The following BOK variants were observed in gnomAD, a reference collection of about 807,000 sequenced individuals.
BOK encodes the protein BCL2 family apoptosis regulator BOK, also known as bcl-2-related ovarian killer protein.
In BOK, 20 loss-of-function variants were observed where a neutral mutation model predicts 18.3. That is an observed-to-expected ratio of 1.09 (90% CI 0.77 to 1.59). BOK has a LOEUF of 1.59. Ranked by LOEUF, BOK falls within the 40% of genes most tolerant of loss-of-function variation. The probability of loss-of-function intolerance (pLI) is 0.00; values close to 1 mark genes in which losing one functional copy is unlikely to be tolerated. For synonymous variants in BOK, 173 were observed against 142.4 expected, an observed-to-expected ratio of 1.21 and a Z score of -1.53; for missense variants, 348 against 307.9, an observed-to-expected ratio of 1.13 and a Z score of -0.97.
rs1346212200 is a variant in BOK at position 241,573,856 on chromosome 2, A to G, written c.*1434A>G. 6.6e-6 allele frequency: 1 copy of G among 152,314 alleles called. No individual in the cohort carries two copies. Among genetic ancestry groups the G allele is most frequent in the Non-Finnish European group, 1.5e-5 (1 of 68,092 alleles). 9.4% of individuals were successfully genotyped at this position (152,314 alleles called of 1,614,324 possible). A position where few individuals can be genotyped will look rare whatever the true frequency, so the allele number is the denominator to read the frequency against. Reference sequence around the variant, plus strand: ...ACGCCTACATTTCTAGGCACATGTGAGGCATCTTTCCTGGAGCCCCGAGCC... The same window carrying G: ...ACGCCTACATTTCTAGGCACATGTGGGGCATCTTTCCTGGAGCCCCGAGCC... On this transcript the variant is annotated 3_prime_UTR_variant, in exon 5 of 5. Coordinates refer to ENST00000318407, the MANE Select transcript of BOK (RefSeq NM_032515.5).
chr2:241,560,364 C>T (rs1321783748), intron 2 of BOK: 7 of 896,132 alleles, frequency 7.8e-6, no homozygotes, highest in Middle Eastern at 5.7e-4. Context: ...ATGTGATGCC[C>T]GAAGAGGGCA....
chr2:241,551,857 C>T (rs966959847), intron 1 of BOK, among the ~76,000 whole-genome samples: 1 of 151,962 alleles, frequency 6.6e-6, no homozygotes, highest in Admixed American at 6.6e-5. Flanking sequence ...TTGCCGCCCA[C>T]TTCCTGCCCT....
At chr2:241,558,052 G>GAAACACACACACACACACACAC (rs61316533), upstream of BOK, among the ~76,000 whole-genome samples, 9 of 135,740 alleles carry the variant, frequency 6.6e-5, no homozygotes, top group Non-Finnish European at 1.1e-4. Flanking sequence ...ATAGAGTTCC[G>GAAACACACACACACACACACAC]AGACACACAC....
chr2:241,570,307 GT>G lies in BOK; in HGVS notation c.513+20del, dbSNP rs1444284407. On this transcript the variant is annotated intron_variant, in intron 4 of 4. Transcript: ENST00000318407. Reference sequence around the variant, plus strand: ...CGGATGGGTGAGCGCCTGAGTGCCCGTGTGGGTGGGAGAGCTGGGGTGCGAG... The same window carrying G: ...CGGATGGGTGAGCGCCTGAGTGCCCGGTGGGTGGGAGAGCTGGGGTGCGAG... 17 of 1,543,866 alleles carry G rather than the reference GT, an allele frequency of 1.1e-5. No individual in the cohort carries two copies. The highest frequency in any genetic ancestry group is 1.4e-5 in the Non-Finnish European group (16 of 1,146,218).
chr2:241,556,498 C>A (rs145218249), upstream of BOK, among the ~76,000 whole-genome samples: 1 of 133,164 alleles, frequency 7.5e-6, no homozygotes, highest in Non-Finnish European at 1.6e-5. Context: ...GCAGGAGAAT[C>A]GCTGGAGCCC....
At chr2:241,570,004 C>CG in intron 3 of BOK, 121 bp from the exon 4 acceptor site, 2 of 1,274,382 alleles carry the variant, frequency 1.6e-6, no homozygotes, top group Non-Finnish European at 2.1e-6. Context: ...CCCCTTGGGA[C>CG]GGTCCCTGGT....
chr2:241,555,883 G>A (rs1331473444), upstream of BOK, among the ~76,000 whole-genome samples: 2 of 152,198 alleles, frequency 1.3e-5, no homozygotes, highest in Non-Finnish European at 2.9e-5. Flanking sequence ...CTGCACAGGA[G>A]GAAACTGAGC....
In BOK at chr2:241,567,056, G is replaced by A. The variant is rs1265723510; in HGVS notation, c.350-3069G>A. Among the ~76,000 whole-genome samples, 4 of 134,086 alleles carry A rather than the reference G, an allele frequency of 3.0e-5. 2 individuals carry two copies. The highest frequency in any genetic ancestry group is 1.2e-4 in the African/African-American group (4 of 34,138). The allele number at this position is 134,086 out of a possible 152,430, so 88.0% of individuals were successfully genotyped here. ...AAGGACACAGTGGACGCCGAGGCTG[G>A]TGCCTCCGGACTCCTGTCTTCCTGT... On this transcript the variant is annotated intron_variant, in intron 3 of 4. Coordinates refer to ENST00000318407, the MANE Select transcript of BOK (RefSeq NM_032515.5).
chr2:241,570,948 G>A (rs36168922), intron 4 of BOK, among the ~76,000 whole-genome samples: 7 of 108,984 alleles, frequency 6.4e-5, no homozygotes, highest in African/African-American at 2.9e-4. Context: ...GTGCGAGGGT[G>A]CAGAGGTACA....
rs980879014 is a variant in BOK, at chr2:241,562,032, G to T, written c.221-316G>T. 6.6e-6 allele frequency among the ~76,000 whole-genome samples: 1 copy of T among 152,242 alleles called. No individual in the cohort carries two copies. Among genetic ancestry groups the T allele is most frequent in the Admixed American group, 6.5e-5 (1 of 15,288 alleles). ...GCCTGTCGGCTGTGAGTCACCAGCAGGCACGGCCCACGCTCTCGCAGGATT... is the reference window on the plus strand; with the variant it reads ...GCCTGTCGGCTGTGAGTCACCAGCATGCACGGCCCACGCTCTCGCAGGATT... On this transcript the variant is annotated intron_variant, in intron 2 of 4. Coordinates refer to ENST00000318407, the MANE Select transcript of BOK (RefSeq NM_032515.5). The surrounding 1 kb of genome is among the most constrained non-coding windows in gnomAD (Gnocchi z 4.5).
At chr2:241,560,009 C>T (rs1331796116) in intron 2 of BOK, 6 of 925,838 alleles carry the variant, frequency 6.5e-6, no homozygotes, top group African/African-American at 1.8e-5. Flanking sequence ...GACCCTTGTT[C>T]TCAGCTGGGC....
At position 241,562,800 on chromosome 2, in the gene BOK, C is replaced by A. The variant is rs1429255635; in HGVS notation, c.349+324C>A. Reference sequence around the variant, plus strand: ...TGTGGGGTGGCACGTCCTAGGGCTGCCTGGTTTCCTGCAGGGGCCCCCGAG... The same window carrying A: ...TGTGGGGTGGCACGTCCTAGGGCTGACTGGTTTCCTGCAGGGGCCCCCGAG... On this transcript the variant is annotated intron_variant, in intron 3 of 4. Transcript: ENST00000318407. This position sits in a 1 kb window ranked among gnomAD's most constrained non-coding sequence, Gnocchi z 4.5. Among the ~76,000 whole-genome samples, 15 of 152,196 alleles carry A rather than the reference C, an allele frequency of 9.9e-5. No homozygotes were observed. The highest frequency in any genetic ancestry group is 2.2e-4 in the Non-Finnish European group (15 of 68,022).
At chr2:241,563,950 C>T (rs879347773) in intron 3 of BOK, among the ~76,000 whole-genome samples, 5 of 152,244 alleles carry the variant, frequency 3.3e-5, no homozygotes, top group African/African-American at 7.2e-5. Context: ...CAGCTCCTCT[C>T]CCAGACGTCT....
upstream of BOK, among the ~76,000 whole-genome samples, chr2:241,554,556 T>C (rs999905036): frequency 6.6e-6 from 1 of 152,266 alleles, no homozygotes. Flanking sequence ...CTTCCCCATG[T>C]CCAGCCACAG....
chr2:241,562,425 C>G lies in BOK; in HGVS notation c.298C>G (p.Pro100Ala). 1 of 1,612,276 alleles carries G rather than the reference C, an allele frequency of 6.2e-7. No homozygotes were observed. The highest frequency in any genetic ancestry group is 1.1e-5 in the South Asian group (1 of 91,072). ...RQLHISLQSE[P>A]VVTDAFLAVA... ...GCTGCACATCTCCCTGCAGTCTGAGCCTGTGGTGACCGATGCGTTCCTGGC... is the reference window on the plus strand; with the variant it reads ...GCTGCACATCTCCCTGCAGTCTGAGGCTGTGGTGACCGATGCGTTCCTGGC... The change falls in exon 3 of 5, where the codon CCT becomes GCT. Residue 100 changes from proline (P) to alanine (A), a missense_variant. Physicochemically the swap from Pro to Ala is conservative, Grantham distance 27. Coordinates refer to ENST00000318407, the MANE Select transcript of BOK (RefSeq NM_032515.5). The surrounding 1 kb of genome is among the most constrained non-coding windows in gnomAD (Gnocchi z 4.5).
In BOK at chr2:241,573,188, C is replaced by T. The variant is rs575442727; in HGVS notation, c.*766C>T. ...CACCTGAGCCCCAGGTGAAGGGGCC[C>T]GGAACACCTGCTCTCACCTGAGCCC... On this transcript the variant is annotated 3_prime_UTR_variant, in exon 5 of 5. Transcript: ENST00000318407. The T allele has an allele frequency of 3.0e-5, 4 of 131,176 alleles. No homozygotes were observed. The highest frequency in any genetic ancestry group is 2.4e-4 in the East Asian group (1 of 4,172). 8.1% of individuals were successfully genotyped at this position (131,176 alleles called of 1,614,324 possible). A position where few individuals can be genotyped will look rare whatever the true frequency, so the allele number is the denominator to read the frequency against.
chr2:241,569,660 C>T (rs2066675399), intron 3 of BOK, among the ~76,000 whole-genome samples: 1 of 152,058 alleles, frequency 6.6e-6, no homozygotes, highest in Non-Finnish European at 1.5e-5. Context: ...CCCCCGCTGT[C>T]ACCATCTTTC....
At chr2:241,557,546 A>G (rs563722085), upstream of BOK, among the ~76,000 whole-genome samples, 1 of 152,210 alleles carries the variant, frequency 6.6e-6, no homozygotes, top group Admixed American at 6.5e-5. Context: ...TCCTGAGCTC[A>G]GGTGATCTGC....
upstream of BOK, among the ~76,000 whole-genome samples, chr2:241,557,812 G>A (rs927443216): frequency 3.9e-5 from 6 of 152,198 alleles, no homozygotes; most frequent in Non-Finnish European, 7.4e-5. Flanking sequence ...TAATTTTTCT[G>A]TTATTGACTT....
Sources: gnomAD v4.1 joint callset for allele counts (sites outside exome capture counted in the v4.1 genomes callset) on GRCh38, gnomAD v4.1.1 for gene constraint, Gnocchi (gnomAD v3.1) non-coding constraint, MANE v1.5 for transcripts, NCBI Gene and HGNC (gene_info 2026-07-23, HGNC 2026-07-21) for gene names.